DCC: variants seen among roughly 807,000 people sequenced by gnomAD.
DCC encodes DCC netrin 1 receptor.
In DCC, 58 loss-of-function variants were observed where a neutral mutation model predicts 172.5. That is an observed-to-expected ratio of 0.34 (90% CI 0.27 to 0.42). The LOEUF (loss-of-function observed/expected upper bound fraction) is 0.42. DCC is among the 10% of genes least tolerant of loss of function. The pLI, the probability that DCC is intolerant of heterozygous loss-of-function variation, is 1.00. For missense variants in DCC, 1,740 were observed against 1,791.0 expected (o/e 0.97, Z 0.51); for synonymous variants, 709 against 644.5 (o/e 1.10, Z -1.52).
chr18:52,793,876 C>T (rs1055988604), intron 2 of DCC, among the ~76,000 whole-genome samples: 3 of 152,150 alleles, frequency 2.0e-5, no homozygotes, highest in Non-Finnish European at 4.4e-5. Flanking sequence ...TTCCCTGCAT[C>T]ATTATTGAAG....
At chr18:52,583,093 G>T (rs2033590965) in intron 1 of DCC, among the ~76,000 whole-genome samples, 1 of 152,174 alleles carries the variant, frequency 6.6e-6, no homozygotes, top group African/African-American at 2.4e-5. Flanking sequence ...TTAAAAAAAT[G>T]GTCCTGAAGC....
At chr18:52,838,844 T>C (rs2038757490) in intron 2 of DCC, among the ~76,000 whole-genome samples, 1 of 152,312 alleles carries the variant, frequency 6.6e-6, no homozygotes, top group East Asian at 1.9e-4. Flanking sequence ...ACCAACACTT[T>C]GGGAGAAAAT....
chr18:52,982,184 A>G (rs1034526117), intron 5 of DCC, among the ~76,000 whole-genome samples: 2 of 152,082 alleles, frequency 1.3e-5, no homozygotes, highest in Non-Finnish European at 2.9e-5. Flanking sequence ...GGGAGGATAG[A>G]GGGGCAGGAT....
rs375873100 is a variant in DCC at position 52,674,450 on chromosome 18, A to G, written c.92-77604A>G. Among the ~76,000 whole-genome samples the G allele has an allele frequency of 5.9e-5, 9 of 152,314 alleles. No homozygotes were observed. In the East Asian group the frequency reaches 7.7e-4, roughly 13 times the overall value. On this transcript the variant is annotated intron_variant, in intron 1 of 28. Transcript: ENST00000442544. ...GTGTCTACCCATTTTTGGGAGGGCC[A>G]TCTGATTTACTTAGTCCACCAATTC...
intron 7 of DCC, among the ~76,000 whole-genome samples, chr18:53,078,271 A>G (rs534255773): frequency 8.5e-5 from 13 of 152,280 alleles, no homozygotes; most frequent in African/African-American, 3.1e-4. Context: ...AGCCTGGGCA[A>G]CAGAGCAAGA....
At chr18:53,495,646 TATTTCCTGA>T (rs2046013390) in intron 26 of DCC, among the ~76,000 whole-genome samples, 1 of 152,132 alleles carries the variant, frequency 6.6e-6, no homozygotes, top group Non-Finnish European at 1.5e-5. Flanking sequence ...GTGTTCTCTG[TATTTCCTGA>T]ATTTGAATGT....
At chr18:52,802,962 T>C (rs935877929) in intron 2 of DCC, among the ~76,000 whole-genome samples, 1 of 152,006 alleles carries the variant, frequency 6.6e-6, no homozygotes, top group African/African-American at 2.4e-5. Context: ...AAGAAAACCA[T>C]AAGGAAGAGA....
intron 1 of DCC, among the ~76,000 whole-genome samples, chr18:52,691,799 C>A (rs1171971493): frequency 1.3e-5 from 2 of 152,128 alleles, no homozygotes; most frequent in Non-Finnish European, 2.9e-5. Context: ...CCCATGCTTC[C>A]ATTATTGATC....
At position 52,834,510 on chromosome 18, in the gene DCC, A is replaced by C. The variant is rs530581946; in HGVS notation, c.413-71534A>C. ...CCACTAATCCCAGGCAACGTTTCCG[A>C]ACTTTTTGTGTGCCTAAGGATTGCA... On this transcript the variant is annotated intron_variant, in intron 2 of 28. Coordinates refer to ENST00000442544, the MANE Select transcript of DCC (RefSeq NM_005215.4). Among the ~76,000 whole-genome samples the C allele has an allele frequency of 3.9e-5, 6 of 152,242 alleles. No individual in the cohort carries two copies. The East Asian group carries it at 7.8e-4, about 20-fold the overall frequency.
chr18:52,708,458 A>T (rs1431598309), intron 1 of DCC, among the ~76,000 whole-genome samples: 1 of 125,236 alleles, frequency 8.0e-6, no homozygotes, highest in Non-Finnish European at 1.8e-5. Flanking sequence ...AAAAAAAAAA[A>T]ATTATAATGA....
chr18:53,203,388 C>T (rs1439869861), intron 9 of DCC, among the ~76,000 whole-genome samples: 1 of 151,698 alleles, frequency 6.6e-6, no homozygotes, highest in Non-Finnish European at 1.5e-5. Context: ...TTATTTAATA[C>T]CTTTTTAATG....
Position 53,169,489 on chromosome 18 carries a change from G to T in DCC, c.1419-9473G>T, listed in dbSNP as rs1394084673. ...GGATTCAGGCAGGCACAAGTGGCTT[G>T]ATTCCTTTACTTCAATCGACTTATC... On this transcript the variant is annotated intron_variant, in intron 8 of 28. Coordinates refer to ENST00000442544, the MANE Select transcript of DCC (RefSeq NM_005215.4). Among the ~76,000 whole-genome samples, 2 of 152,256 alleles carry T rather than the reference G, an allele frequency of 1.3e-5. 1 individual carries two copies. Among genetic ancestry groups the T allele is most frequent in the South Asian group, 4.1e-4 (2 of 4,822 alleles).
intron 15 of DCC, among the ~76,000 whole-genome samples, chr18:53,360,689 A>C (rs1047250655): frequency 6.6e-6 from 1 of 152,194 alleles, no homozygotes; most frequent in African/African-American, 2.4e-5. Context: ...TTACACCCTT[A>C]CACGTCATTA....
chr18:52,631,636 T>C (rs2034677656), intron 1 of DCC, among the ~76,000 whole-genome samples: 1 of 152,240 alleles, frequency 6.6e-6, no homozygotes, highest in Non-Finnish European at 1.5e-5. Flanking sequence ...TTGTCTGTGC[T>C]GTGGCTTTCA....
At chr18:53,262,190 T>C (rs1467852532) in intron 12 of DCC, among the ~76,000 whole-genome samples, 4 of 152,194 alleles carry the variant, frequency 2.6e-5, no homozygotes, top group Non-Finnish European at 1.5e-5. Context: ...ACAGAGTTGC[T>C]TTAGCCTACA....
chr18:53,266,415 C>CT (rs2056675482), intron 12 of DCC, among the ~76,000 whole-genome samples: 1 of 152,018 alleles, frequency 6.6e-6, no homozygotes, highest in African/African-American at 2.4e-5. Flanking sequence ...TTTGATTTTG[C>CT]TTTTTTCAAT....
intron 1 of DCC, among the ~76,000 whole-genome samples, chr18:52,637,767 C>T (rs1688081859): frequency 6.6e-6 from 1 of 152,140 alleles, no homozygotes; most frequent in African/African-American, 2.4e-5. Context: ...AGGAAAACTT[C>T]CCCAGCCTTG....
At chr18:52,909,799 CAA>C (rs1345133343) in intron 3 of DCC, among the ~76,000 whole-genome samples, 1 of 152,104 alleles carries the variant, frequency 6.6e-6, no homozygotes, top group Non-Finnish European at 1.5e-5. Context: ...CCATGCCCTA[CAA>C]AAGCTTATAG....
chr18:53,118,676 G>A (rs983440315), intron 7 of DCC, among the ~76,000 whole-genome samples: 10 of 151,700 alleles, frequency 6.6e-5, no homozygotes, highest in Admixed American at 3.3e-4. Flanking sequence ...CAGGCAATGC[G>A]CTAAACACTT....
Sources: allele counts gnomAD v4.1 joint callset (sites outside exome capture counted in the v4.1 genomes callset), GRCh38; gene constraint gnomAD v4.1.1; transcripts MANE v1.5; gene names NCBI Gene and HGNC (gene_info 2026-07-23, HGNC 2026-07-21).